Variants in LINGO2 observed in about 807,000 individuals in gnomAD.
LINGO2 encodes the protein leucine rich repeat and Ig domain containing 2.
A neutral mutation model predicts 30.6 loss-of-function variants in LINGO2; 14 were observed. The ratio of observed to expected loss-of-function variants is 0.46; its 90% CI spans 0.30 to 0.72. The LOEUF is 0.72. Ranked by LOEUF, LINGO2 falls within the 30% of genes least tolerant of loss-of-function variation. The pLI is 0.07. For synonymous variants in LINGO2, 317 were observed against 288.5 expected, an observed-to-expected ratio of 1.10 and a Z score of -1.00; for missense variants, 729 against 751.7, an observed-to-expected ratio of 0.97 and a Z score of 0.35.
chr9:28,077,699 C>CA (rs1281671111), intron 4 of LINGO2, among the ~76,000 whole-genome samples: 1 of 146,406 alleles, frequency 6.8e-6, no homozygotes, highest in Non-Finnish European at 1.5e-5. Context: ...AGAAAAGATG[C>CA]AAAAAAATAA....
At chr9:28,104,342 C>T (rs942452273) in intron 4 of LINGO2, among the ~76,000 whole-genome samples, 1 of 126,786 alleles carries the variant, frequency 7.9e-6, no homozygotes, top group Non-Finnish European at 1.6e-5. Flanking sequence ...ATAAGTGTAA[C>T]AGTTATTACC....
chr9:29,093,869 G>A, the LINGO2 span, among the ~76,000 whole-genome samples: 8 of 137,650 alleles, frequency 5.8e-5, 2 homozygotes, highest in African/African-American at 2.2e-4. Flanking sequence ...AATCTTCCCC[G>A]CCCCAGAGAA....
At chr9:28,644,302 A>G (rs915774432) in intron 1 of LINGO2, among the ~76,000 whole-genome samples, 1 of 152,094 alleles carries the variant, frequency 6.6e-6, no homozygotes, top group Non-Finnish European at 1.5e-5. Flanking sequence ...ATGTCCATCA[A>G]TGGATGAGTG....
At chr9:28,571,836 C>T (rs2135595390) in intron 1 of LINGO2, among the ~76,000 whole-genome samples, 1 of 152,100 alleles carries the variant, frequency 6.6e-6, no homozygotes, top group East Asian at 1.9e-4. Context: ...ACATCATGGA[C>T]CAGAAAATTA....
At chr9:28,246,240 A>G (rs1246955972) in intron 4 of LINGO2, among the ~76,000 whole-genome samples, 2 of 152,100 alleles carry the variant, frequency 1.3e-5, no homozygotes, top group African/African-American at 4.8e-5. Flanking sequence ...CCTGACCAAC[A>G]TGGTGAAACC....
At chr9:28,247,020 T>C (rs1432190965) in intron 4 of LINGO2, among the ~76,000 whole-genome samples, 2 of 152,164 alleles carry the variant, frequency 1.3e-5, no homozygotes, top group African/African-American at 4.8e-5. Flanking sequence ...TCACTGATCA[T>C]TAGAGAAATG....
At chr9:28,879,557 T>C in the LINGO2 span, among the ~76,000 whole-genome samples, 6 of 152,220 alleles carry the variant, frequency 3.9e-5, no homozygotes, top group African/African-American at 1.4e-4. Flanking sequence ...TGCCTTTTTT[T>C]CCAGTCATTC....
chr9:28,263,067 C>CTCT (rs1390253725), intron 4 of LINGO2, among the ~76,000 whole-genome samples: 107 of 152,058 alleles, frequency 7.0e-4, no homozygotes, highest in African/African-American at 2.4e-3. Context: ...GCTAGAGGTA[C>CTCT]AACCCCCTGT....
the LINGO2 span, among the ~76,000 whole-genome samples, chr9:29,099,277 TACA>T: frequency 6.6e-6 from 1 of 152,116 alleles, no homozygotes; most frequent in Admixed American, 6.5e-5. Context: ...ACTATGAAAC[TACA>T]ACAAGAAAAC....
chr9:28,958,486 G>GT, the LINGO2 span, among the ~76,000 whole-genome samples: 5 of 152,000 alleles, frequency 3.3e-5, no homozygotes, highest in Non-Finnish European at 7.4e-5. Context: ...GAAAAAAGGG[G>GT]TGCTGACACT....
the LINGO2 span, among the ~76,000 whole-genome samples, chr9:28,852,971 A>C: frequency 6.6e-6 from 1 of 152,152 alleles, no homozygotes; most frequent in East Asian, 1.9e-4. Flanking sequence ...CAGGGCTGAA[A>C]TTATTGTCTA....
intron 4 of LINGO2, among the ~76,000 whole-genome samples, chr9:28,054,762 T>TA (rs1475881255): frequency 6.6e-6 from 1 of 152,048 alleles, no homozygotes; most frequent in African/African-American, 2.4e-5. Flanking sequence ...TACCATATTA[T>TA]AAGTGATCAT....
intron 1 of LINGO2, among the ~76,000 whole-genome samples, chr9:28,639,833 A>G (rs1827483279): frequency 6.6e-6 from 1 of 152,134 alleles, no homozygotes; most frequent in African/African-American, 2.4e-5. Flanking sequence ...TAAGGTTAAT[A>G]TGGTTATGTG....
rs113734706 is a variant in LINGO2 at position 28,040,078 on chromosome 9, C to T, written c.-86-27673G>A. On this transcript the variant is annotated intron_variant, in intron 4 of 5. Transcript: ENST00000379992. ...GGGAGACTTTTTCAAAACCATTTTC[C>T]TTCTTTCACTGCATTTTGACTATAA... 4.9e-3 allele frequency among the ~76,000 whole-genome samples: 753 copies of T among 152,310 alleles called. 12 individuals are homozygous for T. Among genetic ancestry groups the T allele is most frequent in the African/African-American group, 0.017 (713 of 41,570 alleles).
At chr9:28,757,335 C>G in the LINGO2 span, among the ~76,000 whole-genome samples, 1 of 151,888 alleles carries the variant, frequency 6.6e-6, no homozygotes, top group Non-Finnish European at 1.5e-5. Context: ...TCTCACAGAT[C>G]CATCTTTTTG....
chr9:29,054,568 G>A, the LINGO2 span, among the ~76,000 whole-genome samples: 1 of 152,020 alleles, frequency 6.6e-6, no homozygotes, highest in Non-Finnish European at 1.5e-5. Flanking sequence ...AGAGAAACAC[G>A]GGCCTCAACT....
At chr9:28,961,226 A>G in the LINGO2 span, among the ~76,000 whole-genome samples, 4 of 152,152 alleles carry the variant, frequency 2.6e-5, no homozygotes, top group African/African-American at 9.7e-5. Flanking sequence ...AAGAATGCAC[A>G]TAGGTTTGCC....
At chr9:28,109,134 A>G (rs1300380885) in intron 4 of LINGO2, among the ~76,000 whole-genome samples, 1 of 152,236 alleles carries the variant, frequency 6.6e-6, no homozygotes, top group Non-Finnish European at 1.5e-5. Flanking sequence ...ATCAGAACCA[A>G]TGACAAAAAC....
At chr9:28,639,016 T>G (rs1345213910) in intron 1 of LINGO2, among the ~76,000 whole-genome samples, 1 of 152,156 alleles carries the variant, frequency 6.6e-6, no homozygotes, top group Non-Finnish European at 1.5e-5. Flanking sequence ...TCTGGTATGT[T>G]GTGTCTTTGT....
Sources: gnomAD v4.1 joint callset for allele counts (sites outside exome capture counted in the v4.1 genomes callset) on GRCh38, gnomAD v4.1.1 for gene constraint, MANE v1.5 for transcripts, NCBI Gene and HGNC (gene_info 2026-07-23, HGNC 2026-07-21) for gene names.